The following ADGRB3 variants were observed in gnomAD, a reference collection of about 807,000 sequenced individuals.
The protein encoded by ADGRB3 is adhesion G protein-coupled receptor B3, also known as brain-specific angiogenesis inhibitor 3.
ADGRB3 carries 37 observed loss-of-function variants against 193.4 expected under a neutral mutation model. The observed-to-expected ratio is 0.19, with a 90% CI of 0.15 to 0.25. ADGRB3 has a LOEUF of 0.25. Among genes scored for constraint, ADGRB3 ranks in the 10% least tolerant of loss-of-function variants. The pLI, the probability that ADGRB3 is intolerant of heterozygous loss-of-function variation, is 1.00. For missense variants in ADGRB3, 1,637 were observed against 1,852.9 expected (o/e 0.88, Z 2.14); for synonymous variants, 690 against 644.2 (o/e 1.07, Z -1.08).
At chr6:68,893,433 T>C (rs1766134072) in intron 3 of ADGRB3, among the ~76,000 whole-genome samples, 1 of 151,716 alleles carries the variant, frequency 6.6e-6, no homozygotes, top group African/African-American at 2.4e-5. Flanking sequence ...AAAAGAATTA[T>C]ATATGAAAGC....
chr6:69,117,992 A>G (rs1424446667), intron 17 of ADGRB3, among the ~76,000 whole-genome samples: 3 of 152,146 alleles, frequency 2.0e-5, no homozygotes, highest in African/African-American at 7.2e-5. Context: ...CAATATATGA[A>G]TTTTCCAAAA....
chr6:68,696,302 T>G (rs2127305789), intron 3 of ADGRB3, among the ~76,000 whole-genome samples: 1 of 152,048 alleles, frequency 6.6e-6, no homozygotes, highest in Non-Finnish European at 1.5e-5. Flanking sequence ...TACTCTCTAC[T>G]TTTCTGCATT....
chr6:69,149,493 T>C (rs1774604999), intron 17 of ADGRB3, among the ~76,000 whole-genome samples: 1 of 152,154 alleles, frequency 6.6e-6, no homozygotes, highest in Non-Finnish European at 1.5e-5. Flanking sequence ...CTATTTTGAA[T>C]GATCTGACTG....
At chr6:69,011,000 G>C (rs1468985520) in intron 11 of ADGRB3, among the ~76,000 whole-genome samples, 1 of 151,790 alleles carries the variant, frequency 6.6e-6, no homozygotes, top group Non-Finnish European at 1.5e-5. Flanking sequence ...CAATCATGCG[G>C]CCTGAAATGT....
chr6:68,758,416 C>T (rs1233884605), intron 3 of ADGRB3, among the ~76,000 whole-genome samples: 18 of 152,038 alleles, frequency 1.2e-4, no homozygotes, highest in Non-Finnish European at 1.0e-4. Flanking sequence ...TCATCTGTTT[C>T]CATTAACAGT....
At chr6:68,983,985 AAAAT>A (rs1769001630) in intron 10 of ADGRB3, among the ~76,000 whole-genome samples, 1 of 152,180 alleles carries the variant, frequency 6.6e-6, no homozygotes, top group East Asian at 1.9e-4. Flanking sequence ...CCATGTAGCG[AAAAT>A]AACATATGGA....
chr6:69,125,609 CCA>C (rs1297911039), intron 17 of ADGRB3, among the ~76,000 whole-genome samples: 1 of 152,108 alleles, frequency 6.6e-6, no homozygotes, highest in African/African-American at 2.4e-5. Context: ...CTTGAACTTC[CCA>C]GGCTTCAGAA....
Position 69,355,868 on chromosome 6 carries a change from T to A in ADGRB3, c.3595+8T>A, listed in dbSNP as rs1283074066. 1.9e-6 allele frequency: 3 copies of A among 1,598,168 alleles called. No individual in the cohort carries two copies. In the African/African-American group the frequency reaches 4.0e-5, roughly 21 times the overall value. ...ACATTGCCTGTCGATCAGGTAAGAA[T>A]ATTTAGATTTTGAAATCTAATCAGT... On this transcript the variant is annotated splice_region_variant and intron_variant, in intron 28 of 31. Transcript: ENST00000370598.
In ADGRB3 at chr6:68,950,946, C is replaced by T. The variant is rs572424874; in HGVS notation, c.1196-5078C>T. 1.5e-4 allele frequency among the ~76,000 whole-genome samples: 23 copies of T among 152,248 alleles called. No individual in the cohort carries two copies. In the South Asian group the frequency reaches 4.8e-3, roughly 32 times the overall value. ...TTTAAAATCTTTTCATACTTTGCAT[C>T]TTCCCTGGTCGCATGGCCTATAGGG... On this transcript the variant is annotated intron_variant, in intron 6 of 31. Coordinates refer to ENST00000370598, the MANE Select transcript of ADGRB3 (RefSeq NM_001704.3).
At chr6:68,892,836 A>C (rs1766117565) in intron 3 of ADGRB3, among the ~76,000 whole-genome samples, 1 of 152,176 alleles carries the variant, frequency 6.6e-6, no homozygotes, top group Non-Finnish European at 1.5e-5. Context: ...GAAGAAACTG[A>C]AATAGTATCA....
Position 69,076,014 on chromosome 6 carries a change from G to C in ADGRB3, c.2456G>C (p.Cys819Ser). 1 of 1,611,198 alleles carries C rather than the reference G, an allele frequency of 6.2e-7. No individual in the cohort carries two copies. The highest frequency in any genetic ancestry group is 8.5e-7 in the Non-Finnish European group (1 of 1,178,570). ...HLANGTLNPYCVLWDDSKTNE... is the reference protein window; with the variant it reads ...HLANGTLNPYSVLWDDSKTNE... ...TTTTAGGGTACTTTGAATCCCTATT[G>C]TGTATTGTGGGATGACTCCAAAACG... Residue 819 changes from cysteine to serine, a missense_variant, in exon 17 of 32, where the codon TGT becomes TCT. Physicochemically the swap from Cys to Ser is moderately radical, Grantham distance 112. This residue lies in a region of ADGRB3 where 641 missense variants were observed against 673.9 expected (regional missense o/e 0.95). Coordinates refer to ENST00000370598, the MANE Select transcript of ADGRB3 (RefSeq NM_001704.3).
At chr6:68,643,125 TATGTGAAAGGA>T (rs1397659654) in intron 3 of ADGRB3, among the ~76,000 whole-genome samples, 1 of 152,168 alleles carries the variant, frequency 6.6e-6, no homozygotes, top group African/African-American at 2.4e-5. Flanking sequence ...TGGTGCTACT[TATGTGAAAGGA>T]AATTGGGATC....
chr6:69,321,526 G>A (rs779448478), intron 20 of ADGRB3, among the ~76,000 whole-genome samples: 5 of 151,752 alleles, frequency 3.3e-5, no homozygotes, highest in Non-Finnish European at 7.4e-5. Flanking sequence ...TTGAACAGTT[G>A]CCAAGATATG....
chr6:68,977,160 A>G (rs957821483), intron 10 of ADGRB3, among the ~76,000 whole-genome samples: 1 of 150,882 alleles, frequency 6.6e-6, no homozygotes, highest in African/African-American at 2.4e-5. Flanking sequence ...TAAGTGAGGG[A>G]ATATAACATA....
At chr6:69,028,140 T>C (rs1283903) in intron 13 of ADGRB3, among the ~76,000 whole-genome samples, 23,379 of 152,134 alleles carry the variant, frequency 0.15, 2,187 homozygotes, top group South Asian at 0.29. Context: ...CAGAATGAAA[T>C]TGTTCATTAA....
chr6:68,888,942 C>T (rs565397540), intron 3 of ADGRB3, among the ~76,000 whole-genome samples: 1 of 152,104 alleles, frequency 6.6e-6, no homozygotes, highest in Non-Finnish European at 1.5e-5. Context: ...AGTTAACACT[C>T]AAATCCATTA....
chr6:68,906,352 C>T (rs1766548207), intron 3 of ADGRB3, among the ~76,000 whole-genome samples: 1 of 151,386 alleles, frequency 6.6e-6, no homozygotes, highest in Non-Finnish European at 1.5e-5. Context: ...TGAAGGTATA[C>T]CATGTATATT....
At chr6:69,232,391 G>T (rs1260698091) in intron 17 of ADGRB3, 9 of 1,422,076 alleles carry the variant, frequency 6.3e-6, no homozygotes, top group Middle Eastern at 1.8e-4. Context: ...GTTCTGCTGG[G>T]GTGGGAAATA....
At chr6:68,810,952 T>C (rs1232184921) in intron 3 of ADGRB3, among the ~76,000 whole-genome samples, 1 of 152,166 alleles carries the variant, frequency 6.6e-6, no homozygotes, top group Non-Finnish European at 1.5e-5. Context: ...TATAAAATGA[T>C]ATAAAGTGAT....
Sources: allele counts gnomAD v4.1 joint callset (sites outside exome capture counted in the v4.1 genomes callset), GRCh38; gene constraint gnomAD v4.1.1; regional missense constraint gnomAD v4.1.1; transcripts MANE v1.5; gene names NCBI Gene and HGNC (gene_info 2026-07-23, HGNC 2026-07-21).